LRRC49: variants seen among roughly 807,000 people sequenced by gnomAD.
The protein encoded by LRRC49 is leucine rich repeat containing 49.
Under a neutral mutation model 83.3 loss-of-function variants are expected in LRRC49, and 50 were observed. The ratio of observed to expected loss-of-function variants is 0.60; its 90% CI spans 0.48 to 0.76. LRRC49 has a LOEUF of 0.76. Ranked by LOEUF, LRRC49 falls within the 30% of genes least tolerant of loss-of-function variation. The probability of loss-of-function intolerance (pLI) is 0.00; values close to 1 mark genes in which losing one functional copy is unlikely to be tolerated. For missense variants in LRRC49, 704 were observed against 809.1 expected (o/e 0.87, Z 1.58); for synonymous variants, 286 against 283.3 (o/e 1.01, Z -0.10).
At chr15:70,934,042 A>T (rs1210120159) in intron 7 of LRRC49, among the ~76,000 whole-genome samples, 1 of 152,106 alleles carries the variant, frequency 6.6e-6, no homozygotes, top group East Asian at 1.9e-4. Context: ...TCCCCTGTCT[A>T]ATGAAGTCTG....
chr15:70,950,423 TAA>T (rs1440562861), intron 8 of LRRC49, among the ~76,000 whole-genome samples: 6 of 152,172 alleles, frequency 3.9e-5, no homozygotes, highest in Admixed American at 3.9e-4. Context: ...CAGCAGTGTA[TAA>T]GTGTTCCCTT....
intron 8 of LRRC49, among the ~76,000 whole-genome samples, chr15:70,945,257 A>C (rs1251280939): frequency 6.6e-6 from 1 of 152,152 alleles, no homozygotes; most frequent in Non-Finnish European, 1.5e-5. Context: ...GCCGAGATGA[A>C]CGTGGCTTTT....
chr15:70,861,391 G>T, intron 1 of LRRC49, among the ~76,000 whole-genome samples: 1 of 86,152 alleles, frequency 1.2e-5, no homozygotes, highest in Non-Finnish European at 3.2e-5. Flanking sequence ...ATAGGAGCTC[G>T]TGTTCTAGTG....
chr15:70,860,148 A>G lies in LRRC49; in HGVS notation c.-299+6679A>G, dbSNP rs2141068640. The G allele has an allele frequency of 4.3e-6, 3 of 694,604 alleles. No homozygotes were observed. In the South Asian group the frequency reaches 4.9e-5, roughly 11 times the overall value. 43.0% of individuals were successfully genotyped at this position (694,604 alleles called of 1,614,324 possible). On this transcript the variant is annotated intron_variant, in intron 1 of 16. Transcript: ENST00000544974. ...GAAGCTGGTGTCCAAGTCCTCTGACATCCTGCCTAAGTGAACAGACGCGGC... is the reference window on the plus strand; with the variant it reads ...GAAGCTGGTGTCCAAGTCCTCTGACGTCCTGCCTAAGTGAACAGACGCGGC...
chr15:70,875,939 GTTTC>G (rs2033143714), intron 2 of LRRC49, among the ~76,000 whole-genome samples: 1 of 152,140 alleles, frequency 6.6e-6, no homozygotes, highest in Non-Finnish European at 1.5e-5. Flanking sequence ...GTGCTAGACA[GTTTC>G]TTTCTTTTTT....
chr15:70,997,987 A>G (rs1392854225), intron 11 of LRRC49, among the ~76,000 whole-genome samples: 2 of 151,664 alleles, frequency 1.3e-5, no homozygotes, highest in African/African-American at 2.4e-5. Context: ...TTTTCTAGCT[A>G]TTTTCTTAGT....
chr15:70,981,437 A>G (rs958959814), intron 10 of LRRC49, among the ~76,000 whole-genome samples: 8 of 152,022 alleles, frequency 5.3e-5, no homozygotes, highest in African/African-American at 1.9e-4. Flanking sequence ...TGGCACATGT[A>G]TACCTATGTA....
intron 13 of LRRC49, among the ~76,000 whole-genome samples, chr15:71,011,027 A>C (rs1195328346): frequency 2.0e-5 from 3 of 152,026 alleles, no homozygotes; most frequent in Non-Finnish European, 4.4e-5. Flanking sequence ...AGCTATATGA[A>C]ATTTGCATCA....
intron 7 of LRRC49, among the ~76,000 whole-genome samples, chr15:70,935,358 G>A (rs1168498292): frequency 6.6e-6 from 1 of 152,080 alleles, no homozygotes; most frequent in Admixed American, 6.5e-5. Context: ...GAAAAACAAG[G>A]CAGCTTCATT....
At chr15:70,855,718 G>A (rs2032639587) in intron 1 of LRRC49, among the ~76,000 whole-genome samples, 1 of 152,160 alleles carries the variant, frequency 6.6e-6, no homozygotes, top group Non-Finnish European at 1.5e-5. Flanking sequence ...GATAGAAGAG[G>A]TCCTAAAATA....
intron 7 of LRRC49, among the ~76,000 whole-genome samples, chr15:70,921,191 G>A (rs147643703): frequency 1.3e-5 from 2 of 152,262 alleles, no homozygotes; most frequent in African/African-American, 2.4e-5. Flanking sequence ...GTAAGTGAAA[G>A]GGAAAGTCAC....
At chr15:70,953,841 C>T (rs1343638386) in intron 8 of LRRC49, among the ~76,000 whole-genome samples, 1 of 151,786 alleles carries the variant, frequency 6.6e-6, no homozygotes, top group African/African-American at 2.4e-5. Context: ...TTTTTGTCTT[C>T]CTTTGTTGCT....
chr15:70,869,128 G>T (rs2032973866), intron 1 of LRRC49, among the ~76,000 whole-genome samples: 1 of 152,120 alleles, frequency 6.6e-6, no homozygotes, highest in East Asian at 1.9e-4. Flanking sequence ...ATGATAAAAA[G>T]AAATGTTTAT....
chr15:70,933,020 C>T (rs1027592166), intron 7 of LRRC49, among the ~76,000 whole-genome samples: 7 of 152,146 alleles, frequency 4.6e-5, no homozygotes, highest in African/African-American at 1.7e-4. Flanking sequence ...CAAGCCACCA[C>T]ACCTGGCCAT....
rs369523524 is a variant in LRRC49, at chr15:71,035,202, T to C, written c.1704-1977T>C. ...CAGGTATTAAAATTATAATTTTTAA[T>C]GATACAGAAAATACTTATATAGCAT... On this transcript the variant is annotated intron_variant, in intron 14 of 15. Transcript: ENST00000260382. Among the ~76,000 whole-genome samples, 744 of 152,244 alleles carry C rather than the reference T, an allele frequency of 4.9e-3. 11 individuals are homozygous for C. Among genetic ancestry groups the C allele is most frequent in the African/African-American group, 0.017 (725 of 41,552 alleles).
At chr15:70,946,045 T>C (rs1275801983) in intron 8 of LRRC49, among the ~76,000 whole-genome samples, 1 of 152,174 alleles carries the variant, frequency 6.6e-6, no homozygotes, top group Non-Finnish European at 1.5e-5. Flanking sequence ...CTAAAACCAA[T>C]TAACATATAT....
At chr15:71,045,610 A>G (rs1032578867) in intron 15 of LRRC49, among the ~76,000 whole-genome samples, 2 of 152,198 alleles carry the variant, frequency 1.3e-5, no homozygotes, top group African/African-American at 4.8e-5. Context: ...TCATACATTC[A>G]TATAACCCAA....
chr15:71,049,301 A>T, intron 15 of LRRC49, 108 bp from the exon 16 acceptor site: 1 of 685,500 alleles, frequency 1.5e-6, no homozygotes, highest in Admixed American at 2.9e-5. Context: ...TGGGGGAGGA[A>T]TAGGGGGTCA....
intron 14 of LRRC49, among the ~76,000 whole-genome samples, chr15:71,024,504 C>T (rs1030038147): frequency 4.6e-5 from 7 of 152,088 alleles, no homozygotes; most frequent in Admixed American, 4.6e-4. Context: ...CCCCCACAAA[C>T]CACAGTAGCC....
Sources: gnomAD v4.1 joint callset for allele counts (sites outside exome capture counted in the v4.1 genomes callset) on GRCh38, gnomAD v4.1.1 for gene constraint, MANE v1.5 for transcripts, NCBI Gene and HGNC (gene_info 2026-07-23, HGNC 2026-07-21) for gene names.